Variants in SPG11 observed in about 807,000 individuals in gnomAD.
SPG11 encodes the protein SPG11 vesicle trafficking associated, spatacsin, also known as spatacsin.
A neutral mutation model predicts 274.0 loss-of-function variants in SPG11; 222 were observed. The ratio of observed to expected loss-of-function variants is 0.81; its 90% CI spans 0.73 to 0.91. The LOEUF (loss-of-function observed/expected upper bound fraction) is 0.91, where lower values mean the gene tolerates loss of function less well. Among genes scored for constraint, SPG11 ranks in the 40% least tolerant of loss-of-function variants. The pLI is 0.00. For synonymous variants in SPG11, 1,144 were observed against 1,039.7 expected (o/e 1.10, Z -1.93); for missense variants, 3,114 against 2,872.7 (o/e 1.08, Z -1.92).
rs943655679 is a variant in SPG11 at position 44,577,544 on chromosome 15, AAAAAT to A, written c.5867-2508_5867-2504del. ...ACAAAACAAAAACTCTTAAAGATAA[AAAAAT>A]AAAATAAAATAAAATGCAACTCAGA... is the stretch of plus-strand genomic sequence containing the variant. On this transcript the variant is annotated intron_variant, in intron 30 of 39. Coordinates refer to ENST00000261866, the MANE Select transcript of SPG11 (RefSeq NM_025137.4). Among the ~76,000 whole-genome samples the A allele has an allele frequency of 1.1e-4, 16 of 151,800 alleles. No individual in the cohort carries two copies. The South Asian group carries it at 2.1e-3, about 20-fold the overall frequency.
chr15:44,630,777 AC>A (rs1327687690), intron 8 of SPG11, among the ~76,000 whole-genome samples: 1 of 152,118 alleles, frequency 6.6e-6, no homozygotes, highest in African/African-American at 2.4e-5. Context: ...ATGGGGTTTC[AC>A]CACGTTGGTC....
At chr15:44,653,592 T>C (rs943106814) in intron 4 of SPG11, among the ~76,000 whole-genome samples, 9 of 152,112 alleles carry the variant, frequency 5.9e-5, no homozygotes, top group African/African-American at 2.2e-4. Flanking sequence ...ACTATTAAAA[T>C]AGTTCAGTTA....
In SPG11 at chr15:44,565,892, G is replaced by C. The variant is rs879316784; in HGVS notation, c.6961C>G (p.Leu2321Val). 2 of 1,613,974 alleles carry C rather than the reference G, an allele frequency of 1.2e-6. No homozygotes were observed. The highest frequency in any genetic ancestry group is 8.5e-7 in the Non-Finnish European group (1 of 1,180,010). Residue 2321 changes from leucine (L) to valine (V), a missense_variant, in exon 38 of 40, where the codon CTG becomes GTG. Physicochemically the swap from Leu to Val is conservative, Grantham distance 32. Coordinates refer to ENST00000261866, the MANE Select transcript of SPG11 (RefSeq NM_025137.4). The part of the protein sequence containing the change: ...TMLINLGRHK[L>V]MDCILALPRF... ...GGTAGGGCCAGAATACAGTCCATCA[G>C]CTTGTGGCGGCCCAAGTTGATGAGC...
rs1399932775 is a variant in SPG11 at position 44,628,802 on chromosome 15, C to G, written c.1934G>C (p.Ser645Thr). The G allele has an allele frequency of 1.2e-6, 2 of 1,613,490 alleles. No homozygotes were observed. The highest frequency in any genetic ancestry group is 3.3e-5 in the Admixed American group (2 of 59,996). ...GAAGGTTCGAAGTTCATTAATGTAG[C>G]TAGTCAAAATGTTCACTCCTTTTTG... ...HLQKGVNILT[S>T]YINELRTFMI... The change falls in exon 10 of 40, where the codon AGC becomes ACC. Residue 645 changes from serine (S) to threonine (T), a missense_variant. By Grantham distance (58) the Ser-to-Thr change is moderately conservative. Transcript: ENST00000261866.
chr15:44,585,840 C>T lies in SPG11; in HGVS notation c.4917G>A (p.Val1639=), dbSNP rs1452851829. ...TCTGGCAAAGGATGCAAAGCTTTTTCACATCTGGACCTGTGCCAAAGAGAA... is the reference window on the plus strand; with the variant it reads ...TCTGGCAAAGGATGCAAAGCTTTTTTACATCTGGACCTGTGCCAAAGAGAA... The part of the protein sequence containing the change: ...REHLFSDGPD[V]KKLCILCQIL... Residue 1639 remains valine, a synonymous_variant, in exon 29 of 40, where the codon GTG becomes GTA. Coordinates refer to ENST00000261866, the MANE Select transcript of SPG11 (RefSeq NM_025137.4). 1 of 1,613,736 alleles carries T rather than the reference C, an allele frequency of 6.2e-7. No homozygotes were observed. Among genetic ancestry groups the T allele is most frequent in the Non-Finnish European group, 8.5e-7 (1 of 1,179,938 alleles).
chr15:44,658,586 G>A (rs1595936842), intron 3 of SPG11, among the ~76,000 whole-genome samples: 1 of 151,832 alleles, frequency 6.6e-6, no homozygotes, highest in Non-Finnish European at 1.5e-5. Context: ...AGCCTCCCGA[G>A]TAGCTGGGAT....
In SPG11 at chr15:44,564,582, T is replaced by A; in HGVS notation, c.7116A>T (p.Leu2372Phe). 6.2e-7 allele frequency: 1 copy of A among 1,614,090 alleles called. No individual in the cohort carries two copies. Among genetic ancestry groups the A allele is most frequent in the Non-Finnish European group, 8.5e-7 (1 of 1,179,944 alleles). ...NYLEEFKQQR[L>F]LKSSIFEEIS... ...TCTCTTCAAATATACTGGACTTTAATAACCTTTGCTGCTTAAATTCTTCCA... is the reference window on the plus strand; with the variant it reads ...TCTCTTCAAATATACTGGACTTTAAAAACCTTTGCTGCTTAAATTCTTCCA... The change falls in exon 39 of 40, where the codon TTA becomes TTT. Residue 2372 changes from leucine to phenylalanine, a missense_variant. Transcript: ENST00000261866.
At chr15:44,600,881 C>T (rs1472043062) in intron 20 of SPG11, among the ~76,000 whole-genome samples, 4 of 152,172 alleles carry the variant, frequency 2.6e-5, no homozygotes, top group Admixed American at 1.3e-4. Flanking sequence ...CAGCCGGGTA[C>T]GGTGGCTCAC....
At position 44,592,431 on chromosome 15, in the gene SPG11, G is replaced by A. The variant is rs368706788; in HGVS notation, c.4643C>T (p.Pro1548Leu). 70 of 1,586,350 alleles carry A rather than the reference G, an allele frequency of 4.4e-5. No homozygotes were observed. The highest frequency in any genetic ancestry group is 8.3e-5 in the Admixed American group (5 of 59,944). The change falls in exon 27 of 40, where the codon CCG (proline) becomes CTG (leucine). Residue 1548 changes from proline to leucine, a missense_variant. By Grantham distance (98) the Pro-to-Leu change is moderately conservative (BLOSUM62 -3). Coordinates refer to ENST00000261866, the MANE Select transcript of SPG11 (RefSeq NM_025137.4). The stretch of plus-strand genomic sequence containing the variant: ...ATACATCTCCATCACCAGTAGTAAC[G>A]GGGAATCCTTTGACAAAGAGTTTGA... ...RGFQLFFKDS[P>L]LLLVMEMYEL...
Position 44,564,445 on chromosome 15 carries a change from G to A in SPG11, c.7151+102C>T, listed in dbSNP as rs1203990147. ...TACTGCTTTGCCATTTTAAGTAGAG[G>A]TAATCTAAAGGCATGGTGTACTTAG... On this transcript the variant is annotated intron_variant, in intron 39 of 39. Transcript: ENST00000261866. The A allele has an allele frequency of 1.1e-5, 12 of 1,140,072 alleles. No homozygotes were observed. In the East Asian group the frequency reaches 2.1e-4, roughly 20 times the overall value. 70.6% of individuals were successfully genotyped at this position (1,140,072 alleles called of 1,614,324 possible).
intron 17 of SPG11, among the ~76,000 whole-genome samples, chr15:44,612,455 A>G (rs1282969167): frequency 6.6e-6 from 1 of 152,130 alleles, no homozygotes; most frequent in African/African-American, 2.4e-5. Context: ...TGCTTTGTCA[A>G]CTAGGCTGGA....
At chr15:44,653,011 T>C (rs1352361153) in intron 4 of SPG11, among the ~76,000 whole-genome samples, 2 of 152,058 alleles carry the variant, frequency 1.3e-5, no homozygotes, top group East Asian at 3.9e-4. Context: ...GTAAAGTATG[T>C]ATGTGGGTAT....
chr15:44,614,278 T>A (rs943667844), intron 16 of SPG11, among the ~76,000 whole-genome samples: 1 of 152,068 alleles, frequency 6.6e-6, no homozygotes, highest in Non-Finnish European at 1.5e-5. Flanking sequence ...CAGGCTGGAG[T>A]GCAGTGGCGC....
intron 7 of SPG11, among the ~76,000 whole-genome samples, chr15:44,646,376 G>A (rs1412221238): frequency 1.3e-5 from 2 of 152,272 alleles, no homozygotes; most frequent in South Asian, 2.1e-4. Flanking sequence ...TTACAATCAT[G>A]GCAGAAAGTG....
At chr15:44,585,521 G>T in intron 29 of SPG11, 115 bp downstream of exon 29, 5 of 784,736 alleles carry the variant, frequency 6.4e-6, no homozygotes, top group Non-Finnish European at 8.2e-6. Flanking sequence ...AGAATTGCAT[G>T]AACCCGAGAG....
chr15:44,646,714 A>G (rs757686575), intron 7 of SPG11, among the ~76,000 whole-genome samples: 2 of 152,218 alleles, frequency 1.3e-5, no homozygotes, highest in Admixed American at 6.5e-5. Context: ...TCCTAAGTGA[A>G]CTAATGCAGG....
rs1472668413 is a variant in SPG11, at chr15:44,596,946, A to G, written c.4002-3T>C. 6.2e-7 allele frequency: 1 copy of G among 1,613,934 alleles called. No individual in the cohort carries two copies. Among genetic ancestry groups the G allele is most frequent in the East Asian group, 2.2e-5 (1 of 44,872 alleles). ...GGCTGCTAGATTCACTGGATAACCT[A>G]TAATCAGAATTAGAGGTGGGGGTGG... is the stretch of plus-strand genomic sequence containing the variant. On this transcript the variant is annotated splice_region_variant and splice_polypyrimidine_tract_variant and intron_variant, in intron 23 of 39. Coordinates refer to ENST00000261866, the MANE Select transcript of SPG11 (RefSeq NM_025137.4).
At chr15:44,586,978 A>G (rs1390959836) in intron 28 of SPG11, among the ~76,000 whole-genome samples, 1 of 152,210 alleles carries the variant, frequency 6.6e-6, no homozygotes, top group Non-Finnish European at 1.5e-5. Flanking sequence ...AAATTTATCT[A>G]CTTAACCCAG....
chr15:44,575,919 G>T (rs2082526225), intron 30 of SPG11, among the ~76,000 whole-genome samples: 1 of 151,874 alleles, frequency 6.6e-6, no homozygotes. Context: ...GAGGCGGGCG[G>T]ATCACTTGAG....
Sources: allele counts gnomAD v4.1 joint callset (sites outside exome capture counted in the v4.1 genomes callset), GRCh38; gene constraint gnomAD v4.1.1; transcripts MANE v1.5; gene names NCBI Gene and HGNC (gene_info 2026-07-23, HGNC 2026-07-21).